The following INSR variants were observed in gnomAD, a reference collection of about 807,000 sequenced individuals.
The protein encoded by INSR is insulin receptor.
A neutral mutation model predicts 142.6 loss-of-function variants in INSR; 67 were observed. The observed-to-expected ratio is 0.47, with a 90% CI of 0.39 to 0.58. INSR has a LOEUF of 0.58. Ranked by LOEUF, INSR falls within the 20% of genes least tolerant of loss-of-function variation. The pLI, the probability that INSR is intolerant of heterozygous loss-of-function variation, is 0.00. For missense variants in INSR, 1,248 were observed against 1,833.2 expected, an observed-to-expected ratio of 0.68 and a Z score of 5.83; for synonymous variants, 756 against 743.1, an observed-to-expected ratio of 1.02 and a Z score of -0.28.
chr19:7,215,895 T>A (rs1975418771), intron 2 of INSR, among the ~76,000 whole-genome samples: 2 of 151,738 alleles, frequency 1.3e-5, no homozygotes, highest in African/African-American at 4.8e-5. Flanking sequence ...GATAACATCC[T>A]TCATTTCTGC....
chr19:7,153,186 C>CACAAAT (rs1973456520), intron 9 of INSR, among the ~76,000 whole-genome samples: 1 of 26,010 alleles, frequency 3.8e-5, no homozygotes, highest in East Asian at 6.8e-4. Context: ...AAACACACAA[C>CACAAAT]CACACACACA....
intron 2 of INSR, among the ~76,000 whole-genome samples, chr19:7,229,619 T>A (rs986767007): frequency 6.6e-6 from 1 of 152,198 alleles, no homozygotes; most frequent in Non-Finnish European, 1.5e-5. Flanking sequence ...GGCCTCTGGG[T>A]CTGTGTTTTC....
intron 1 of INSR, among the ~76,000 whole-genome samples, chr19:7,269,030 C>CACACACA (rs1555690124): frequency 8.3e-6 from 1 of 120,902 alleles, no homozygotes; most frequent in East Asian, 3.5e-4. Context: ...GCCAACACAC[C>CACACACA]CACACACCCA....
chr19:7,125,574 G>A lies in INSR; in HGVS notation c.3014-47C>T, dbSNP rs751735141. 1.9e-6 allele frequency: 3 copies of A among 1,606,390 alleles called. No homozygotes were observed. The highest frequency in any genetic ancestry group is 2.5e-6 in the Non-Finnish European group (3 of 1,179,734). On this transcript the variant is annotated intron_variant, in intron 16 of 21. Coordinates refer to ENST00000302850, the MANE Select transcript of INSR (RefSeq NM_000208.4). The surrounding 1 kb of genome is among the most constrained non-coding windows in gnomAD (Gnocchi z 4.9). Reference sequence around the variant, plus strand: ...AGCATCCTTGGAGGATCCCTTGGGGGTCTGCAGCCACCTTCCACCCAAGCC... The same window carrying A: ...AGCATCCTTGGAGGATCCCTTGGGGATCTGCAGCCACCTTCCACCCAAGCC...
At chr19:7,130,003 T>C (rs1972737796) in intron 14 of INSR, among the ~76,000 whole-genome samples, 1 of 150,936 alleles carries the variant, frequency 6.6e-6, no homozygotes, top group Non-Finnish European at 1.5e-5. Context: ...CCTCCCAAAG[T>C]TCTGGGATTA....
At chr19:7,134,667 A>C (rs558676120) in intron 13 of INSR, among the ~76,000 whole-genome samples, 2 of 152,168 alleles carry the variant, frequency 1.3e-5, no homozygotes, top group Non-Finnish European at 2.9e-5. Context: ...CGAGAGGCTG[A>C]GGCAGGAGAA....
chr19:7,178,231 C>T (rs1304745996), intron 3 of INSR, among the ~76,000 whole-genome samples: 4 of 62,030 alleles, frequency 6.4e-5, no homozygotes, highest in Admixed American at 2.3e-4. Flanking sequence ...TTAGGAATGT[C>T]GGGGTGACTT....
At chr19:7,129,327 T>C (rs1430275564) in intron 14 of INSR, among the ~76,000 whole-genome samples, 9 of 152,164 alleles carry the variant, frequency 5.9e-5, no homozygotes, top group African/African-American at 2.2e-4. Context: ...TAATTTTTAT[T>C]TATTTACTTA....
rs943902793 is a variant in INSR at position 7,164,756 on chromosome 19, G to C, written c.1861+1398C>G. Among the ~76,000 whole-genome samples the C allele has an allele frequency of 8.1e-5, 12 of 148,938 alleles. 1 individual carries two copies. The highest frequency in any genetic ancestry group is 1.6e-4 in the Non-Finnish European group (11 of 67,602). On this transcript the variant is annotated intron_variant, in intron 8 of 21. Transcript: ENST00000302850. The stretch of plus-strand genomic sequence containing the variant: ...CAGGAGAATCGCTTGAACCCGGGAG[G>C]CAGAGGTTGCAGTGAGCTGAGATAG...
At chr19:7,222,624 C>T (rs1975655254) in intron 2 of INSR, among the ~76,000 whole-genome samples, 1 of 152,042 alleles carries the variant, frequency 6.6e-6, no homozygotes, top group East Asian at 1.9e-4. Context: ...AATCCCTGGC[C>T]TCAAGTGATC....
intron 1 of INSR, among the ~76,000 whole-genome samples, chr19:7,285,728 T>G (rs1179512869): frequency 6.6e-6 from 1 of 152,180 alleles, no homozygotes; most frequent in Non-Finnish European, 1.5e-5. Context: ...AAATTTCAAC[T>G]TTAGGAATAT....
chr19:7,259,625 C>T (rs564429862), intron 2 of INSR, among the ~76,000 whole-genome samples: 1 of 152,174 alleles, frequency 6.6e-6, no homozygotes, highest in African/African-American at 2.4e-5. Flanking sequence ...TCAAGACCAG[C>T]CTAGGCAACA....
intron 3 of INSR, among the ~76,000 whole-genome samples, chr19:7,176,270 T>TAGTG (rs1396453462): frequency 6.6e-6 from 1 of 152,108 alleles, no homozygotes; most frequent in Non-Finnish European, 1.5e-5. Flanking sequence ...TGGCAGTGTA[T>TAGTG]AGTGAGTGAG....
chr19:7,206,884 C>T (rs1289676166), intron 2 of INSR, among the ~76,000 whole-genome samples: 1 of 152,172 alleles, frequency 6.6e-6, no homozygotes, highest in African/African-American at 2.4e-5. Context: ...TCTAAATCCC[C>T]TTTGAAACTG....
rs531350543 is a variant in INSR at position 7,177,994 on chromosome 19, G to A, written c.975-3263C>T. 1.8e-4 allele frequency among the ~76,000 whole-genome samples: 28 copies of A among 152,004 alleles called. 2 individuals are homozygous for A. The South Asian group carries it at 4.2e-3, about 23-fold the overall frequency. On this transcript the variant is annotated intron_variant, in intron 3 of 21. Transcript: ENST00000302850. Reference sequence around the variant, plus strand: ...ATGAAGCATACCACAAAAGCACTTCGCACACAGAACGCAATTTTATCCGTT... The same window carrying A: ...ATGAAGCATACCACAAAAGCACTTCACACACAGAACGCAATTTTATCCGTT...
In INSR at chr19:7,113,772, T is replaced by C. The variant is rs1972257969; in HGVS notation, c.*3284A>G. On this transcript the variant is annotated 3_prime_UTR_variant, in exon 22 of 22. Transcript: ENST00000302850. ...ATGTCAAAGGAGGTTTGCAACCCAATAGCTGTTTGCTCTTTTCACTGTGGC... is the reference window on the plus strand; with the variant it reads ...ATGTCAAAGGAGGTTTGCAACCCAACAGCTGTTTGCTCTTTTCACTGTGGC... The C allele has an allele frequency of 1.3e-5, 2 of 152,170 alleles. No individual in the cohort carries two copies. Among genetic ancestry groups the C allele is most frequent in the South Asian group, 2.1e-4 (1 of 4,836 alleles). 9.4% of individuals were successfully genotyped at this position (152,170 alleles called of 1,614,324 possible). A position where few individuals can be genotyped will look rare whatever the true frequency, so the allele number is the denominator to read the frequency against.
At chr19:7,151,208 CT>C (rs1202301789) in intron 10 of INSR, among the ~76,000 whole-genome samples, 11 of 128,750 alleles carry the variant, frequency 8.5e-5, no homozygotes, top group African/African-American at 3.2e-4. Context: ...TTCTTTCTTT[CT>C]TTTTCTTTCT....
chr19:7,189,314 G>T (rs1046103530), intron 2 of INSR, among the ~76,000 whole-genome samples: 16 of 152,192 alleles, frequency 1.1e-4, no homozygotes, highest in African/African-American at 3.9e-4. Flanking sequence ...TAGACAATGG[G>T]AAGAAAAATT....
chr19:7,293,724 T>C (rs1052869840), intron 1 of INSR, 68 bp downstream of exon 1: 5 of 1,215,956 alleles, frequency 4.1e-6, no homozygotes, highest in South Asian at 2.5e-5. Flanking sequence ...GGGGGCTCGA[T>C]TTTGGCTTGG....
Sources: allele counts gnomAD v4.1 joint callset (sites outside exome capture counted in the v4.1 genomes callset), GRCh38; gene constraint gnomAD v4.1.1; non-coding constraint Gnocchi (gnomAD v3.1); transcripts MANE v1.5; gene names NCBI Gene and HGNC (gene_info 2026-07-23, HGNC 2026-07-21).